SUPT16H: variants seen among roughly 807,000 people sequenced by gnomAD.
SUPT16H encodes the protein SPT16 homolog, facilitates chromatin remodeling subunit.
In SUPT16H, 24 loss-of-function variants were observed where a neutral mutation model predicts 136.2. That is an observed-to-expected ratio of 0.18 (90% confidence interval 0.13 to 0.25). The LOEUF is 0.25. SUPT16H is among the 10% of genes least tolerant of loss of function. The pLI, the probability that SUPT16H is intolerant of heterozygous loss-of-function variation, is 1.00. For missense variants in SUPT16H, 623 were observed against 1,270.2 expected (o/e 0.49, Z 7.74); for synonymous variants, 415 against 428.2 (o/e 0.97, Z 0.38).
chr14:21,365,759 C>CAAACCA (rs755461010), intron 8 of SUPT16H, among the ~76,000 whole-genome samples: 1,815 of 151,560 alleles, frequency 0.012, 38 homozygotes, highest in African/African-American at 0.042. Context: ...ATTGAATAAA[C>CAAACCA]AAACCAAAAC....
chr14:21,363,194 G>A, intron 12 of SUPT16H, 39 bp downstream of exon 12: 1 of 1,613,960 alleles, frequency 6.2e-7, no homozygotes, highest in South Asian at 1.1e-5. Context: ...TGAGCCATAT[G>A]ACAGCCGAGA....
chr14:21,382,569 G>A (rs1232434381), intron 1 of SUPT16H, among the ~76,000 whole-genome samples: 1 of 152,180 alleles, frequency 6.6e-6, no homozygotes, highest in Non-Finnish European at 1.5e-5. Context: ...CAGTTTCAGG[G>A]TTTATGGGTA....
chr14:21,362,259 A>G lies in SUPT16H; in HGVS notation c.1731T>C (p.Ser577=), dbSNP rs368702563. 43 of 1,613,496 alleles carry G rather than the reference A, an allele frequency of 2.7e-5. No homozygotes were observed. The highest frequency in any genetic ancestry group is 2.5e-6 in the Non-Finnish European group (3 of 1,179,910). Reference sequence around the variant, plus strand: ...TGTTGCCTTCATTCCTGCCCAGAGCACTGCCTGGGCAATAAAAGTTGATTC... The same window carrying G: ...TGTTGCCTTCATTCCTGCCCAGAGCGCTGCCTGGGCAATAAAAGTTGATTC... The part of the protein sequence containing the change: ...YLRINFYCPG[S]ALGRNEGNIF... Residue 577 remains serine (S), a synonymous_variant, in exon 15 of 26, where the codon AGT becomes AGC. Transcript: ENST00000216297.
chr14:21,360,641 G>T (rs1230945613), intron 17 of SUPT16H, 108 bp from the exon 18 acceptor site: 2 of 1,197,772 alleles, frequency 1.7e-6, no homozygotes, highest in African/African-American at 3.1e-5. Flanking sequence ...ACCAACAGCT[G>T]TATAGAGCTT....
chr14:21,354,507 CTG>C lies in SUPT16H; in HGVS notation c.2692_2693del (p.Gln898ValfsTer6). 1 of 1,614,182 alleles carries C rather than the reference CTG, an allele frequency of 6.2e-7. No individual in the cohort carries two copies. The highest frequency in any genetic ancestry group is 8.5e-7 in the Non-Finnish European group (1 of 1,180,008). On this transcript the variant is annotated frameshift_variant, in exon 23 of 26. Coordinates refer to ENST00000216297, the MANE Select transcript of SUPT16H (RefSeq NM_007192.4). LOFTEE classifies it high-confidence loss of function. ...SCDLKYTEGV[Q>X]SLNWTKIMKT... ...TCATGATTTTAGTCCAGTTGAGGGA[CTG>C]TACTCCTTCTGTGTATTTCAGGTCG...
At chr14:21,352,894 T>C in intron 25 of SUPT16H, 76 bp from the exon 26 acceptor site, 8 of 1,587,674 alleles carry the variant, frequency 5.0e-6, no homozygotes, top group Non-Finnish European at 6.9e-6. Context: ...CATGAGATAG[T>C]ACAGAGAATA....
intron 20 of SUPT16H, 63 bp from the exon 21 acceptor site, chr14:21,358,065 A>G: frequency 6.9e-7 from 1 of 1,447,408 alleles, no homozygotes; most frequent in Non-Finnish European, 9.7e-7. Flanking sequence ...ACCACAACAG[A>G]CAAACTTCTT....
rs370922804 is a variant in SUPT16H at position 21,383,827 on chromosome 14, G to C, written c.66+35C>G. The C allele has an allele frequency of 2.5e-6, 4 of 1,612,818 alleles. No homozygotes were observed. In the East Asian group the frequency reaches 8.9e-5, roughly 36 times the overall value. ...CAGGGTTATTATGGGATGGCTAAGG[G>C]GGCTCCCTAGGAAAAATTACAGGAT... On this transcript the variant is annotated intron_variant, in intron 1 of 25. Coordinates refer to ENST00000216297, the MANE Select transcript of SUPT16H (RefSeq NM_007192.4).
chr14:21,371,805 T>A, intron 3 of SUPT16H, 69 bp downstream of exon 3: 1 of 1,581,606 alleles, frequency 6.3e-7, no homozygotes, highest in Admixed American at 1.9e-5. Flanking sequence ...CAAACTCCTA[T>A]AAGGCATTTC....
Position 21,364,884 on chromosome 14 carries a change from T to C in SUPT16H, c.1176A>G (p.Lys392=), listed in dbSNP as rs1375960239. 6.2e-7 allele frequency: 1 copy of C among 1,613,440 alleles called. No individual in the cohort carries two copies. Among genetic ancestry groups the C allele is most frequent in the East Asian group, 2.2e-5 (1 of 44,874 alleles). Reference sequence around the variant, plus strand: ...GGGCATAGGTTTTCTCTTCTGGCTTTTTCCCCTCCTTGTTAGTCAGGTCTG... The same window carrying C: ...GGGCATAGGTTTTCTCTTCTGGCTTCTTCCCCTCCTTGTTAGTCAGGTCTG... ...GFSDLTNKEG[K]KPEEKTYALF... is the part of the protein sequence containing the mutation. The change falls in exon 10 of 26, where the codon AAA becomes AAG. Residue 392 remains lysine (K), a synonymous_variant. Transcript: ENST00000216297.
chr14:21,364,761 C>A, intron 10 of SUPT16H, 66 bp downstream of exon 10: 2 of 1,410,878 alleles, frequency 1.4e-6, no homozygotes, highest in Non-Finnish European at 2.0e-6. Flanking sequence ...AAAAAAACCA[C>A]AGGGTCCACA....
Position 21,366,497 on chromosome 14 carries a change from T to A in SUPT16H, c.988A>T (p.Met330Leu), listed in dbSNP as rs1217972261. The change falls in exon 8 of 26, where the codon ATG (methionine) becomes TTG (leucine). Residue 330 changes from methionine (M) to leucine (L), a missense_variant. Met to Leu is a conservative substitution (Grantham distance 15). This residue lies in a region of SUPT16H where 343 missense variants were observed against 525.7 expected (regional missense o/e 0.65). Coordinates refer to ENST00000216297, the MANE Select transcript of SUPT16H (RefSeq NM_007192.4). ...GGCTTCTGCTTTTTAACCACGTCCA[T>A]GACAGCGTTATACACGTCACATATC... Reference protein sequence around the residue: ...VKICDVYNAVMDVVKKQKPEL... With the variant: ...VKICDVYNAVLDVVKKQKPEL... The A allele has an allele frequency of 2.5e-6, 4 of 1,614,036 alleles. No homozygotes were observed. The African/African-American group carries it at 4.0e-5, about 16-fold the overall frequency.
intron 6 of SUPT16H, 98 bp downstream of exon 6, chr14:21,369,106 C>A: frequency 1.4e-6 from 2 of 1,404,134 alleles, no homozygotes; most frequent in South Asian, 1.4e-5. Context: ...ATACTTGTAG[C>A]CAAATTTCAG....
chr14:21,362,700 TG>T, intron 14 of SUPT16H, 93 bp downstream of exon 14: 1 of 1,404,376 alleles, frequency 7.1e-7, no homozygotes, highest in Non-Finnish European at 9.6e-7. Context: ...GAGTCAAAAG[TG>T]GGAGACATGA....
At chr14:21,356,760 A>G (rs1388601407) in intron 22 of SUPT16H, among the ~76,000 whole-genome samples, 3 of 152,114 alleles carry the variant, frequency 2.0e-5, no homozygotes, top group Non-Finnish European at 4.4e-5. Context: ...CACCACCACC[A>G]CTACAAAATA....
intron 25 of SUPT16H, among the ~76,000 whole-genome samples, chr14:21,353,099 A>G (rs1886356820): frequency 1.3e-5 from 2 of 152,230 alleles, no homozygotes; most frequent in African/African-American, 4.8e-5. Flanking sequence ...TTGGCTTCAG[A>G]GTAACTAGAT....
At chr14:21,375,891 CCTAT>C (rs769549276) in intron 1 of SUPT16H, among the ~76,000 whole-genome samples, 44 of 152,348 alleles carry the variant, frequency 2.9e-4, no homozygotes, top group East Asian at 3.9e-4. Context: ...CTGTGCCTGG[CCTAT>C]CTATTTTCTT....
rs370780431 is a variant in SUPT16H, at chr14:21,372,105, T to C, written c.160-61A>G. 6.1e-5 allele frequency: 93 copies of C among 1,516,324 alleles called. 2 individuals are homozygous for C. The highest frequency in any genetic ancestry group is 4.0e-4 in the Admixed American group (19 of 47,348). 93.9% of individuals were successfully genotyped at this position (1,516,324 alleles called of 1,614,324 possible). A position where few individuals can be genotyped will look rare whatever the true frequency, so the allele number is the denominator to read the frequency against. On this transcript the variant is annotated intron_variant, in intron 2 of 25. Coordinates refer to ENST00000216297, the MANE Select transcript of SUPT16H (RefSeq NM_007192.4). ...AGATACAAAAATTAATGGACTCATA[T>C]AGATATACAGAAATACTTATAGACA...
At position 21,370,383 on chromosome 14, in the gene SUPT16H, A is replaced by G; in HGVS notation, c.436T>C (p.Phe146Leu). The change falls in exon 4 of 26, where the codon TTC becomes CTC. Residue 146 changes from phenylalanine (F) to leucine (L), a missense_variant. Coordinates refer to ENST00000216297, the MANE Select transcript of SUPT16H (RefSeq NM_007192.4). ...VFSKDKFPGE[F>L]MKSWNDCLNK... The stretch of plus-strand genomic sequence containing the variant: ...AGGCAGTCATTCCAGCTCTTCATGA[A>G]CTCTCCAGGGAATTTGTCTTTGCTG... 1 of 1,612,874 alleles carries G rather than the reference A, an allele frequency of 6.2e-7. No individual in the cohort carries two copies.
Sources: gnomAD v4.1 joint callset for allele counts (sites outside exome capture counted in the v4.1 genomes callset) on GRCh38, gnomAD v4.1.1 for gene constraint, gnomAD v4.1.1 regional missense constraint, MANE v1.5 for transcripts, NCBI Gene and HGNC (gene_info 2026-07-23, HGNC 2026-07-21) for gene names.